Variants in LALBA observed in about 807,000 individuals in gnomAD.
The protein encoded by LALBA is alpha-lactalbumin.
A neutral mutation model predicts 13.4 loss-of-function variants in LALBA; 12 were observed. The ratio of observed to expected loss-of-function variants is 0.89; its 90% CI spans 0.57 to 1.45. The LOEUF is 1.45. LALBA is among the 40% of genes most tolerant of loss of function. The pLI is 0.00. For missense variants in LALBA, 145 were observed against 165.9 expected, an observed-to-expected ratio of 0.87 and a Z score of 0.69; for synonymous variants, 64 against 61.0, an observed-to-expected ratio of 1.05 and a Z score of -0.23.
chr12:48,568,741 T>A, intron 2 of LALBA, 149 bp from the exon 3 acceptor site: 2 of 599,344 alleles, frequency 3.3e-6, no homozygotes, highest in Non-Finnish European at 5.8e-6. Flanking sequence ...AATGTGGTAA[T>A]GTCTAACCCT....
chr12:48,571,272 T>C (rs183457830), upstream of LALBA, among the ~76,000 whole-genome samples: 1,066 of 152,266 alleles, frequency 7.0e-3, 11 homozygotes, highest in South Asian at 0.035. Flanking sequence ...GAATAGCTCC[T>C]TTAATTTGCT....
Position 48,567,842 on chromosome 12 carries a change from A to G in LALBA, c.*115T>C, listed in dbSNP as rs1938586335. On this transcript the variant is annotated 3_prime_UTR_variant, in exon 4 of 4. Transcript: ENST00000301046. ...ATTCGGTGATGTCACTACAGGGCCC[A>G]AGGCTCAGAGACAGATAAGCTTTGG... 3.3e-6 allele frequency: 3 copies of G among 902,198 alleles called. No homozygotes were observed. Among genetic ancestry groups the G allele is most frequent in the South Asian group, 1.5e-5 (1 of 67,588 alleles). 55.9% of individuals were successfully genotyped at this position (902,198 alleles called of 1,614,324 possible). A position where few individuals can be genotyped will look rare whatever the true frequency, so the allele number is the denominator to read the frequency against.
chr12:48,569,757 G>A, intron 1 of LALBA, 131 bp downstream of exon 1: 1 of 781,502 alleles, frequency 1.3e-6, no homozygotes, highest in Non-Finnish European at 2.0e-6. Flanking sequence ...TGAAATAAAA[G>A]AGTATGCAAA....
intron 3 of LALBA, 171 bp from the exon 4 acceptor site, chr12:48,568,188 A>G (rs1480957051): frequency 4.7e-6 from 3 of 641,566 alleles, no homozygotes; most frequent in Non-Finnish European, 5.6e-6. Flanking sequence ...AATATCCAAG[A>G]AAATTGTAGG....
chr12:48,570,074 A>G, upstream of LALBA: 5 of 1,602,594 alleles, frequency 3.1e-6, no homozygotes, highest in Non-Finnish European at 3.4e-6. Flanking sequence ...TCATTTATTT[A>G]TATTCATGCA....
At chr12:48,569,312 A>G in intron 1 of LALBA, 72 bp from the exon 2 acceptor site, 3 of 1,332,582 alleles carry the variant, frequency 2.3e-6, no homozygotes, top group Non-Finnish European at 3.1e-6. Flanking sequence ...TGTAATTCTC[A>G]GACAAAAATG....
At chr12:48,568,692 T>A in intron 2 of LALBA, 100 bp from the exon 3 acceptor site, 2 of 704,926 alleles carry the variant, frequency 2.8e-6, no homozygotes, top group East Asian at 5.2e-5. Flanking sequence ...TTCTCTAAAC[T>A]CAAGGCTTGT....
In LALBA at chr12:48,567,959, A is replaced by G; in HGVS notation, c.427T>C (p.Ter143ArgextTer42). The G allele has an allele frequency of 6.2e-7, 1 of 1,605,072 alleles. No homozygotes were observed. The highest frequency in any genetic ancestry group is 8.5e-7 in the Non-Finnish European group (1 of 1,176,124). Residue 143 changes from the stop codon to arginine (R), a stop_lost, in exon 4 of 4, where the codon TGA becomes CGA. Coordinates refer to ENST00000301046, the MANE Select transcript of LALBA (RefSeq NM_002289.3). Reference protein sequence around the residue: ...KLEQWLCEKL* With the variant: ...KLEQWLCEKLR ...GGGGTGCCAAGGACAGCAGACACTC[A>G]CAACTTCTCACAAAGCCACTGTTCC...
In LALBA at chr12:48,567,987, C is replaced by T; in HGVS notation, c.399G>A (p.Lys133=). ...ACTTCTCACAAAGCCACTGTTCCAG[C>T]TTCTCAGTGCAGAGGGCTTTATGGG... ...WLAHKALCTE[K]LEQWLCEKL is the part of the protein sequence containing the mutation. Residue 133 remains lysine (K), a synonymous_variant, in exon 4 of 4, where the codon AAG becomes AAA. Transcript: ENST00000301046. 1 of 1,604,700 alleles carries T rather than the reference C, an allele frequency of 6.2e-7. No individual in the cohort carries two copies.
intron 3 of LALBA, 151 bp downstream of exon 3, chr12:48,568,366 A>G (rs1008020555): frequency 1.5e-6 from 1 of 661,300 alleles, no homozygotes; most frequent in Non-Finnish European, 2.7e-6. Flanking sequence ...GAGAGGCTTA[A>G]TAACAGAAAC....
chr12:48,568,457 C>T (rs1470680659), intron 3 of LALBA, 60 bp downstream of exon 3: 38 of 946,758 alleles, frequency 4.0e-5, no homozygotes, highest in Non-Finnish European at 6.6e-5. Flanking sequence ...GAAAGGGGTG[C>T]TGGGCTAATG....
chr12:48,568,761 C>T (rs1344920408), intron 2 of LALBA, among the ~76,000 whole-genome samples, 169 bp from the exon 3 acceptor site: 1 of 152,198 alleles, frequency 6.6e-6, no homozygotes, highest in South Asian at 2.1e-4. Context: ...TGGGTAGGGA[C>T]TTCCTTCATT....
rs766827326 is a variant in LALBA at position 48,569,108 on chromosome 12, C to G, written c.266G>C (p.Arg89Thr). 2.5e-6 allele frequency: 4 copies of G among 1,612,876 alleles called. No individual in the cohort carries two copies. The South Asian group carries it at 4.4e-5, about 18-fold the overall frequency. The change falls in exon 2 of 4, where the codon AGG becomes ACG. Residue 89 changes from arginine (R) to threonine (T), a missense_variant. Transcript: ENST00000301046. ...GTCACAGGAGATGTCACAGATGTTC[C>G]TTGACTGAGGGACCTGGCTGCTCTT... is the stretch of plus-strand genomic sequence containing the variant. ...WCKSSQVPQS[R>T]NICDISCDKF...
upstream of LALBA, among the ~76,000 whole-genome samples, chr12:48,570,813 T>C (rs1401172060): frequency 2.0e-5 from 3 of 151,294 alleles, no homozygotes; most frequent in African/African-American, 7.3e-5. Context: ...TAAAATCCCA[T>C]CTCTACAAAA....
intron 2 of LALBA, 84 bp downstream of exon 2, chr12:48,568,998 G>A: frequency 3.4e-6 from 4 of 1,193,568 alleles, no homozygotes; most frequent in Non-Finnish European, 4.7e-6. Context: ...AATGAAGCCT[G>A]AGGTCTGCTT....
chr12:48,570,793 G>A (rs928619017), upstream of LALBA, among the ~76,000 whole-genome samples: 3 of 151,836 alleles, frequency 2.0e-5, no homozygotes, highest in Admixed American at 6.6e-5. Flanking sequence ...GACCAGCCTG[G>A]GCAACATGGT....
At chr12:48,570,779 T>C (rs1938622967), upstream of LALBA, among the ~76,000 whole-genome samples, 1 of 151,852 alleles carries the variant, frequency 6.6e-6, no homozygotes, top group Non-Finnish European at 1.5e-5. Flanking sequence ...GCCCAGGAGC[T>C]CGAGACCAGC....
Position 48,567,916 on chromosome 12 carries a change from A to T in LALBA, c.*41T>A, listed in dbSNP as rs1042329872. ...GGTGGCATTAGGGAAGAGGTATTCC[A>T]GGAGTGTGGAGTGGGCAGGGGTGCC... On this transcript the variant is annotated 3_prime_UTR_variant, in exon 4 of 4. Transcript: ENST00000301046. 2 of 1,512,194 alleles carry T rather than the reference A, an allele frequency of 1.3e-6. No homozygotes were observed. Among genetic ancestry groups the T allele is most frequent in the African/African-American group, 2.7e-5 (2 of 73,138 alleles). The allele number at this position is 1,512,194 out of a possible 1,614,324, so 93.7% of individuals were successfully genotyped here.
chr12:48,568,548 T>C lies in LALBA; in HGVS notation c.337A>G (p.Lys113Glu). The C allele has an allele frequency of 6.2e-7, 1 of 1,600,396 alleles. No individual in the cohort carries two copies. Among genetic ancestry groups the C allele is most frequent in the Non-Finnish European group, 8.6e-7 (1 of 1,169,528 alleles). Residue 113 changes from lysine (K) to glutamate (E), a missense_variant, in exon 3 of 4, where the codon AAG becomes GAG. By Grantham distance (56) the Lys-to-Glu change is moderately conservative (BLOSUM62 1). Transcript: ENST00000301046. ...DITDDIMCAK[K>E]ILDIKGIDYW... ...TCAATTCCTTTAATATCCAGGATCT[T>C]CTTGGCACACATTATGTCATCAGTA...
Sources: gnomAD v4.1 joint callset for allele counts (sites outside exome capture counted in the v4.1 genomes callset) on GRCh38, gnomAD v4.1.1 for gene constraint, MANE v1.5 for transcripts, NCBI Gene and HGNC (gene_info 2026-07-23, HGNC 2026-07-21) for gene names.